RIMS2: variants seen among roughly 807,000 people sequenced by gnomAD.
RIMS2 encodes regulating synaptic membrane exocytosis protein 2.
Under a neutral mutation model 174.4 loss-of-function variants are expected in RIMS2, and 59 were observed. The ratio of observed to expected loss-of-function variants is 0.34; its 90% CI spans 0.27 to 0.42. The LOEUF (loss-of-function observed/expected upper bound fraction) is 0.42, where lower values mean the gene tolerates loss of function less well. Ranked by LOEUF, RIMS2 falls within the 10% of genes least tolerant of loss-of-function variation. The pLI is 1.00. For synonymous variants in RIMS2, 606 were observed against 572.5 expected, an observed-to-expected ratio of 1.06 and a Z score of -0.84; for missense variants, 1,620 against 1,666.3, an observed-to-expected ratio of 0.97 and a Z score of 0.48.
chr8:104,059,351 C>T (rs1404810978), intron 19 of RIMS2, among the ~76,000 whole-genome samples: 8 of 150,290 alleles, frequency 5.3e-5, no homozygotes, highest in Non-Finnish European at 1.5e-5. Context: ...GGAGTTCACT[C>T]ATGATTTGGC....
chr8:103,704,359 C>T (rs2097199898), intron 2 of RIMS2, among the ~76,000 whole-genome samples: 1 of 151,472 alleles, frequency 6.6e-6, no homozygotes, highest in Admixed American at 6.6e-5. Context: ...GTTCAGTTTG[C>T]TAGAATGTTT....
intron 1 of RIMS2, among the ~76,000 whole-genome samples, chr8:103,575,804 A>G (rs890147829): frequency 1.3e-5 from 2 of 151,956 alleles, no homozygotes; most frequent in African/African-American, 4.8e-5. Flanking sequence ...TGAACGGATT[A>G]AGAGAATTGG....
intron 3 of RIMS2, among the ~76,000 whole-genome samples, chr8:103,810,109 T>C (rs1413672897): frequency 6.6e-6 from 1 of 152,198 alleles, no homozygotes; most frequent in African/African-American, 2.4e-5. Context: ...AGCAATTGTT[T>C]GAGCCTTTGT....
chr8:103,799,427 A>C (rs1311969027), intron 3 of RIMS2, among the ~76,000 whole-genome samples: 1 of 152,158 alleles, frequency 6.6e-6, no homozygotes, highest in Non-Finnish European at 1.5e-5. Flanking sequence ...TGAGTCAGTG[A>C]ACATCCTTGT....
In RIMS2 at chr8:103,600,182, G is replaced by A. The variant is rs73287117; in HGVS notation, c.177-96904G>A. ...TTCCGTGCCTGTCTTACCCCCAGTT[G>A]CATCCATGTTGTTGCAGATGACAGA... is the stretch of plus-strand genomic sequence containing the variant. On this transcript the variant is annotated intron_variant, in intron 1 of 23. Coordinates refer to ENST00000504942, the Ensembl canonical transcript of RIMS2. 1.1e-3 allele frequency among the ~76,000 whole-genome samples: 165 copies of A among 152,226 alleles called. 1 individual carries two copies. Among genetic ancestry groups the A allele is most frequent in the African/African-American group, 3.4e-3 (142 of 41,544 alleles).
At chr8:103,500,999 A>G (rs768795059) in exon 1 of RIMS2, 3 of 1,611,900 alleles carry the variant, frequency 1.9e-6, no homozygotes, top group South Asian at 1.1e-5. Context: ...GAGGAGAGGA[A>G]AATCATCCTG....
exon 14 of RIMS2, chr8:103,942,851 T>C: frequency 1.2e-6 from 2 of 1,613,300 alleles, no homozygotes; most frequent in Non-Finnish European, 1.7e-6. Flanking sequence ...TGTCTCTTCA[T>C]TGCCACTTCC....
chr8:103,961,153 T>A lies in RIMS2; in HGVS notation c.2770+20T>A. 9.5e-7 allele frequency: 1 copy of A among 1,057,440 alleles called. No individual in the cohort carries two copies. Among genetic ancestry groups the A allele is most frequent in the Non-Finnish European group, 1.5e-6 (1 of 676,904 alleles). The allele number at this position is 1,057,440 out of a possible 1,614,324, so 65.5% of individuals were successfully genotyped here. ...TATCAGGTAAGAATTTTAGAATTATTTTATAGTATTAAAAAGGGAGTGCAA... is the reference window on the plus strand; with the variant it reads ...TATCAGGTAAGAATTTTAGAATTATATTATAGTATTAAAAAGGGAGTGCAA... On this transcript the variant is annotated intron_variant, in intron 15 of 23. Transcript: ENST00000504942.
At chr8:103,700,726 A>G (rs2097157674) in intron 2 of RIMS2, among the ~76,000 whole-genome samples, 1 of 151,622 alleles carries the variant, frequency 6.6e-6, no homozygotes, top group African/African-American at 2.4e-5. Flanking sequence ...GCCTTTTTTG[A>G]GATTACTGAA....
chr8:103,569,789 A>AT (rs527413126), intron 1 of RIMS2, among the ~76,000 whole-genome samples: 17,877 of 136,388 alleles, frequency 0.13, 1,157 homozygotes, highest in Middle Eastern at 0.24. Flanking sequence ...GCTAATTTTA[A>AT]TTTTTTTTTT....
intron 19 of RIMS2, among the ~76,000 whole-genome samples, chr8:104,148,382 A>G (rs2133965050): frequency 6.6e-6 from 1 of 152,240 alleles, no homozygotes; most frequent in South Asian, 2.1e-4. Context: ...CTTGTCTTTG[A>G]CAGCAGAAAT....
chr8:103,516,818 C>G (rs543421002), intron 1 of RIMS2, among the ~76,000 whole-genome samples: 1 of 152,044 alleles, frequency 6.6e-6, no homozygotes, highest in Non-Finnish European at 1.5e-5. Flanking sequence ...ATGGGAAGGT[C>G]GGGGAGAGGT....
At chr8:103,630,605 A>G (rs2095892737) in intron 1 of RIMS2, among the ~76,000 whole-genome samples, 1 of 151,274 alleles carries the variant, frequency 6.6e-6, no homozygotes, top group South Asian at 2.1e-4. Flanking sequence ...AAAAAAAGAA[A>G]CAAAGATGTC....
At chr8:103,673,070 G>A (rs1243173796) in intron 1 of RIMS2, among the ~76,000 whole-genome samples, 1 of 152,176 alleles carries the variant, frequency 6.6e-6, no homozygotes, top group Admixed American at 6.5e-5. Context: ...AACTCTTAAA[G>A]CTCCAAGAAA....
exon 19 of RIMS2, chr8:104,014,611 T>C: frequency 6.3e-7 from 1 of 1,596,646 alleles, no homozygotes; most frequent in Non-Finnish European, 8.6e-7. Flanking sequence ...GAACGTTGGA[T>C]AGAAGTAAGT....
chr8:104,223,628 G>C (rs767312238), intron 19 of RIMS2: 56 of 1,582,190 alleles, frequency 3.5e-5, no homozygotes, highest in Non-Finnish European at 4.6e-5. Context: ...CTTGTACCGC[G>C]GGAAAAGCGG....
intron 6 of RIMS2, 58 bp downstream of exon 9, chr8:103,912,230 G>A (rs1402966417): frequency 3.6e-6 from 5 of 1,388,688 alleles, no homozygotes; most frequent in Non-Finnish European, 5.0e-6. Flanking sequence ...TACCAGAAAA[G>A]CAAAGGATAA....
intron 1 of RIMS2, among the ~76,000 whole-genome samples, chr8:103,659,175 G>C (rs532864395): frequency 1.3e-5 from 2 of 152,198 alleles, no homozygotes; most frequent in African/African-American, 4.8e-5. Context: ...GGTCAAAGAA[G>C]TTGATATGGA....
intron 19 of RIMS2, among the ~76,000 whole-genome samples, chr8:104,121,328 CAG>C (rs2098371135): frequency 6.6e-6 from 1 of 152,080 alleles, no homozygotes; most frequent in Admixed American, 6.6e-5. Context: ...CATGGTGGAA[CAG>C]AGGATTTTTA....
Sources: allele counts gnomAD v4.1 joint callset (sites outside exome capture counted in the v4.1 genomes callset), GRCh38; gene constraint gnomAD v4.1.1; transcripts MANE v1.5; gene names NCBI Gene and HGNC (gene_info 2026-07-23, HGNC 2026-07-21).